NLRP4: variants seen among roughly 807,000 people sequenced by gnomAD.
NLRP4 encodes the protein NLR family pyrin domain containing 4.
NLRP4 carries 44 observed loss-of-function variants against 84.7 expected under a neutral mutation model. That is an observed-to-expected ratio of 0.52 (90% CI 0.41 to 0.67). NLRP4 has a LOEUF of 0.67. Ranked by LOEUF, NLRP4 falls within the 30% of genes least tolerant of loss-of-function variation. NLRP4 has a pLI of 0.00. For synonymous variants in NLRP4, 544 were observed against 476.4 expected (o/e 1.14, Z -1.85); for missense variants, 1,260 against 1,219.4 (o/e 1.03, Z -0.50).
At chr19:55,860,207 G>A (rs868670574) in intron 3 of NLRP4, among the ~76,000 whole-genome samples, 2 of 151,972 alleles carry the variant, frequency 1.3e-5, no homozygotes, top group Non-Finnish European at 2.9e-5. Context: ...GGATGGTCTC[G>A]ATCTCCTGAC....
chr19:55,861,931 A>C, intron 4 of NLRP4, 61 bp from the exon 5 acceptor site: 1 of 1,079,354 alleles, frequency 9.3e-7, no homozygotes, highest in Non-Finnish European at 1.4e-6. Flanking sequence ...AGACAAACAC[A>C]GGTGTGCAGG....
chr19:55,857,061 C>T (rs644733), intron 2 of NLRP4, among the ~76,000 whole-genome samples: 83,824 of 152,016 alleles, frequency 0.55, 24,136 homozygotes, highest in East Asian at 0.72. Flanking sequence ...CTATAGACAC[C>T]GTCCTGTTGC....
chr19:55,876,943 T>TA, intron 7 of NLRP4, 53 bp from the exon 8 acceptor site: 1 of 1,473,346 alleles, frequency 6.8e-7, no homozygotes. Context: ...CTTTTCCTGA[T>TA]ATTAGACTGA....
chr19:55,857,497 G>C (rs11673189), intron 2 of NLRP4, 177 bp from the exon 3 acceptor site: 1 of 607,712 alleles, frequency 1.6e-6, no homozygotes, highest in Non-Finnish European at 2.9e-6. Flanking sequence ...CAATATACCC[G>C]TGAATGGTGT....
At chr19:55,856,663 A>C (rs188320120) in intron 2 of NLRP4, among the ~76,000 whole-genome samples, 226 of 150,954 alleles carry the variant, frequency 1.5e-3, no homozygotes, top group South Asian at 4.4e-3. Flanking sequence ...CTACAGGCAC[A>C]CACCACCACG....
Position 55,857,724 on chromosome 19 carries a change from TG to T in NLRP4, c.333del (p.Trp111CysfsTer41), listed in dbSNP as rs1238907398. 1 of 1,613,774 alleles carries T rather than the reference TG, an allele frequency of 6.2e-7. No individual in the cohort carries two copies. Among genetic ancestry groups the T allele is most frequent in the East Asian group, 2.2e-5 (1 of 44,894 alleles). On this transcript the variant is annotated frameshift_variant, in exon 3 of 10. Coordinates refer to ENST00000301295, the MANE Select transcript of NLRP4 (RefSeq NM_134444.5). LOFTEE classifies it high-confidence loss of function. The stretch of plus-strand genomic sequence containing the variant: ...CGCAAAGCAGAAATTCAGCCGCTTA[TG>T]GTCCAGCAAGTCTGTCACTGAGATT... ...AHAKQKFSRL[W>X]SSKSVTEIHL...
intron 2 of NLRP4, among the ~76,000 whole-genome samples, chr19:55,855,886 A>G (rs1984390605): frequency 6.6e-6 from 1 of 152,234 alleles, no homozygotes; most frequent in South Asian, 2.1e-4. Flanking sequence ...AAAGTGGGAG[A>G]TGGGAAGCTC....
chr19:55,879,884 A>G (rs892147676), intron 9 of NLRP4, among the ~76,000 whole-genome samples: 2 of 151,542 alleles, frequency 1.3e-5, no homozygotes, highest in African/African-American at 4.8e-5. Flanking sequence ...ATGTGTAAAT[A>G]CAAGTTATAT....
chr19:55,849,950 CG>C lies in NLRP4; in HGVS notation c.-65-2065del, dbSNP rs879788659. Reference sequence around the variant, plus strand: ...ATTTCCGTAGCCGCGGTGTAATTTCCGAGACTGCGGTGTAATTTCCGTAGCT... The same window carrying C: ...ATTTCCGTAGCCGCGGTGTAATTTCCAGACTGCGGTGTAATTTCCGTAGCT... On this transcript the variant is annotated intron_variant, in intron 1 of 9. Coordinates refer to ENST00000301295, the MANE Select transcript of NLRP4 (RefSeq NM_134444.5). Among the ~76,000 whole-genome samples, 181 of 128,544 alleles carry C rather than the reference CG, an allele frequency of 1.4e-3. 3 individuals are homozygous for C. Among genetic ancestry groups the C allele is most frequent in the Middle Eastern group, 4.0e-3 (1 of 248 alleles). 84.3% of individuals were successfully genotyped at this position (128,544 alleles called of 152,430 possible).
At chr19:55,841,416 G>T (rs771982536) in intron 1 of NLRP4, among the ~76,000 whole-genome samples, 8 of 151,964 alleles carry the variant, frequency 5.3e-5, no homozygotes, top group Non-Finnish European at 8.8e-5. Flanking sequence ...ATTTTACCTC[G>T]TGTCCTCCAC....
intron 1 of NLRP4, among the ~76,000 whole-genome samples, chr19:55,844,754 G>A (rs959545273): frequency 2.0e-5 from 3 of 152,088 alleles, no homozygotes; most frequent in Non-Finnish European, 2.9e-5. Context: ...TTGTATCTAC[G>A]AGTATGCTAT....
chr19:55,854,069 A>G (rs1984313791), intron 2 of NLRP4, among the ~76,000 whole-genome samples: 1 of 152,044 alleles, frequency 6.6e-6, no homozygotes, highest in Non-Finnish European at 1.5e-5. Flanking sequence ...TCCTGGGTTC[A>G]AGTGATTCTC....
rs1381981488 is a variant in NLRP4 at position 55,861,906 on chromosome 19, A to T, written c.2019-86A>T. On this transcript the variant is annotated intron_variant, in intron 4 of 9. Coordinates refer to ENST00000301295, the MANE Select transcript of NLRP4 (RefSeq NM_134444.5). Reference sequence around the variant, plus strand: ...GGCTGTGAAATCAGAGAATGAGTTCATGATGGATGATGAGAGACAAACACA... The same window carrying T: ...GGCTGTGAAATCAGAGAATGAGTTCTTGATGGATGATGAGAGACAAACACA... The T allele has an allele frequency of 5.5e-6, 5 of 917,132 alleles. No homozygotes were observed. The Admixed American group carries it at 9.1e-5, about 17-fold the overall frequency. The allele number at this position is 917,132 out of a possible 1,614,324, so 56.8% of individuals were successfully genotyped here. A position where few individuals can be genotyped will look rare whatever the true frequency, so the allele number is the denominator to read the frequency against.
At chr19:55,850,191 G>A (rs865823840) in intron 1 of NLRP4, among the ~76,000 whole-genome samples, 1 of 141,238 alleles carries the variant, frequency 7.1e-6, no homozygotes, top group Non-Finnish European at 1.5e-5. Flanking sequence ...TGTAATTTCC[G>A]TGGCTGCGGT....
intron 5 of NLRP4, among the ~76,000 whole-genome samples, chr19:55,864,808 G>C (rs1339827106): frequency 6.6e-6 from 1 of 151,860 alleles, no homozygotes; most frequent in African/African-American, 2.4e-5. Flanking sequence ...ATCTCATTGT[G>C]GTTTTGATTT....
chr19:55,852,475 GGT>G lies in NLRP4; in HGVS notation c.280+116_280+117del. On this transcript the variant is annotated intron_variant, in intron 2 of 9. Coordinates refer to ENST00000301295, the MANE Select transcript of NLRP4 (RefSeq NM_134444.5). ...CTGAATGTGCTATGGGAAAATATTA[GGT>G]TTTTTTTTTTTTTTTTTTGGTAGAC... 1.2e-5 allele frequency: 7 copies of G among 561,430 alleles called. No homozygotes were observed. In the African/African-American group the frequency reaches 1.5e-4, roughly 12 times the overall value. 34.8% of individuals were successfully genotyped at this position (561,430 alleles called of 1,614,324 possible).
intron 5 of NLRP4, among the ~76,000 whole-genome samples, chr19:55,864,299 G>A (rs767309695): frequency 2.0e-5 from 3 of 152,182 alleles, no homozygotes; most frequent in East Asian, 1.9e-4. Context: ...TATCCCAGGC[G>A]TCTCATGTAA....
chr19:55,839,381 GCT>G lies in NLRP4; in HGVS notation c.-66+2454_-66+2455del, dbSNP rs543806359. Reference sequence around the variant, plus strand: ...CTCACACACACATACCCACACACATGCTCTCTCTTAGATTCTGGAAAAATAAT... The same window carrying G: ...CTCACACACACATACCCACACACATGCTCTCTTAGATTCTGGAAAAATAAT... On this transcript the variant is annotated intron_variant, in intron 1 of 9. Coordinates refer to ENST00000301295, the MANE Select transcript of NLRP4 (RefSeq NM_134444.5). Among the ~76,000 whole-genome samples the G allele has an allele frequency of 4.6e-5, 7 of 150,656 alleles. No homozygotes were observed. In the South Asian group the frequency reaches 1.0e-3, roughly 23 times the overall value.
rs950952035 is a variant in NLRP4, at chr19:55,878,961, T to C, written c.2864T>C (p.Leu955Pro). The C allele has an allele frequency of 1.9e-6, 3 of 1,612,258 alleles. No homozygotes were observed. Among genetic ancestry groups the C allele is most frequent in the Non-Finnish European group, 2.5e-6 (3 of 1,178,710 alleles). ...CACCCAGAGTGTGCCCTGCAGGTGC[T>C]CGGGTGAGCTGGGGTCTGTTGTGCT... Reference protein sequence around the residue: ...LRHPECALQVLGLRKTDFDEE... With the variant: ...LRHPECALQVPGLRKTDFDEE... The change falls in exon 9 of 10, where the codon CTC becomes CCC. Residue 955 changes from leucine to proline, a missense_variant. Around this residue, in one of 3 missense-constraint regions of NLRP4, gnomAD observed 544 missense variants for 531.7 expected, o/e 1.02. Transcript: ENST00000301295.
Sources: allele counts gnomAD v4.1 joint callset (sites outside exome capture counted in the v4.1 genomes callset), GRCh38; gene constraint gnomAD v4.1.1; regional missense constraint gnomAD v4.1.1; transcripts MANE v1.5; gene names NCBI Gene and HGNC (gene_info 2026-07-23, HGNC 2026-07-21).